SH3RF3: variants seen among roughly 807,000 people sequenced by gnomAD.
The protein encoded by SH3RF3 is E3 ubiquitin-protein ligase SH3RF3.
SH3RF3 carries 29 observed loss-of-function variants against 66.3 expected under a neutral mutation model. The observed-to-expected ratio is 0.44, with a 90% CI of 0.33 to 0.60. The LOEUF is 0.60. Among genes scored for constraint, SH3RF3 ranks in the 20% least tolerant of loss-of-function variants. The probability of loss-of-function intolerance (pLI) is 0.04; values close to 1 mark genes in which losing one functional copy is unlikely to be tolerated. For synonymous variants in SH3RF3, 583 were observed against 532.0 expected (o/e 1.10, Z -1.32); for missense variants, 1,194 against 1,190.9 (o/e 1.00, Z -0.04).
rs183240751 is a variant in SH3RF3, at chr2:109,198,158, G to A, written c.573+68045G>A. On this transcript the variant is annotated intron_variant, in intron 1 of 9. Transcript: ENST00000309415. ...AGAACACTTAGAAGTCCTGCCCAGTGCAGGGATGGCCACAGCAGGGACCTT... is the reference window on the plus strand; with the variant it reads ...AGAACACTTAGAAGTCCTGCCCAGTACAGGGATGGCCACAGCAGGGACCTT... Among the ~76,000 whole-genome samples the A allele has an allele frequency of 1.6e-3, 246 of 152,272 alleles. 2 individuals are homozygous for A. Among genetic ancestry groups the A allele is most frequent in the African/African-American group, 5.6e-3 (234 of 41,548 alleles).
chr2:109,179,042 T>G (rs1411860222), intron 1 of SH3RF3, among the ~76,000 whole-genome samples: 2 of 151,904 alleles, frequency 1.3e-5, no homozygotes, highest in Non-Finnish European at 2.9e-5. Context: ...TGTGTATTTT[T>G]AAACCAGAAT....
intron 8 of SH3RF3, among the ~76,000 whole-genome samples, chr2:109,486,924 C>T (rs1186549209): frequency 2.0e-5 from 3 of 152,190 alleles, no homozygotes; most frequent in Non-Finnish European, 4.4e-5. Context: ...CTAACAGATC[C>T]GGCTGTTTGG....
intron 2 of SH3RF3, among the ~76,000 whole-genome samples, chr2:109,369,835 C>T (rs1313436955): frequency 6.6e-6 from 1 of 152,222 alleles, no homozygotes. Flanking sequence ...ATTTCTTAGA[C>T]CCCACCAGCC....
intron 8 of SH3RF3, among the ~76,000 whole-genome samples, chr2:109,488,122 C>A (rs141548244): frequency 6.6e-6 from 1 of 152,164 alleles, no homozygotes; most frequent in Non-Finnish European, 1.5e-5. Context: ...TGGGCTCCGC[C>A]GGGACACCTG....
chr2:109,216,820 T>C (rs1305516588), intron 1 of SH3RF3, among the ~76,000 whole-genome samples: 3 of 152,256 alleles, frequency 2.0e-5, no homozygotes, highest in African/African-American at 4.8e-5. Context: ...TTTAGCCATT[T>C]GTAAGCAAAC....
chr2:109,499,995 T>C (rs983879956), intron 9 of SH3RF3, among the ~76,000 whole-genome samples: 11 of 152,104 alleles, frequency 7.2e-5, no homozygotes, highest in African/African-American at 1.9e-4. Flanking sequence ...AAGTGAAAAG[T>C]TACAGATGGT....
intron 8 of SH3RF3, among the ~76,000 whole-genome samples, chr2:109,476,353 C>G (rs888296071): frequency 7.2e-5 from 11 of 152,194 alleles, no homozygotes; most frequent in African/African-American, 2.7e-4. Context: ...CTGTGCCTAA[C>G]CCCAAGGGGA....
rs574464897 is a variant in SH3RF3, at chr2:109,209,577, T to G, written c.573+79464T>G. 9.2e-5 allele frequency among the ~76,000 whole-genome samples: 14 copies of G among 152,254 alleles called. No individual in the cohort carries two copies. In the South Asian group the frequency reaches 2.7e-3, roughly 29 times the overall value. On this transcript the variant is annotated intron_variant, in intron 1 of 9. Transcript: ENST00000309415. ...TTCCTAGCTCTCATGGGGAAGATTT[T>G]CCTTCCTTTTGAGTTTCCTATCCAC...
chr2:109,335,742 A>G (rs1347611933), intron 1 of SH3RF3, among the ~76,000 whole-genome samples: 3 of 152,234 alleles, frequency 2.0e-5, no homozygotes, highest in Non-Finnish European at 4.4e-5. Flanking sequence ...GCACCCCACA[A>G]GTAACGGGCA....
intron 2 of SH3RF3, among the ~76,000 whole-genome samples, chr2:109,370,221 GTCTCTGTCTCTC>G (rs1367340353): frequency 1.3e-5 from 2 of 148,708 alleles, no homozygotes; most frequent in African/African-American, 5.1e-5. Context: ...CTCTGTCTCT[GTCTCTGTCTCTC>G]TCTCTCTTTT....
intron 5 of SH3RF3, among the ~76,000 whole-genome samples, chr2:109,428,511 G>T (rs1358102959): frequency 3.3e-5 from 5 of 152,174 alleles, no homozygotes; most frequent in African/African-American, 1.2e-4. Flanking sequence ...GGTGTGGTGA[G>T]CCCCTGGCCC....
At chr2:109,457,323 T>C (rs1678087166) in intron 8 of SH3RF3, among the ~76,000 whole-genome samples, 1 of 152,260 alleles carries the variant, frequency 6.6e-6, no homozygotes, top group Non-Finnish European at 1.5e-5. Context: ...GAGGGGTTAA[T>C]TTTGTTATAT....
chr2:109,332,181 G>A (rs4676079), intron 1 of SH3RF3, among the ~76,000 whole-genome samples: 56,094 of 152,048 alleles, frequency 0.37, 11,922 homozygotes, highest in Non-Finnish European at 0.48. Flanking sequence ...TCTGCGGCCC[G>A]GAGCCCTCTG....
At chr2:109,343,744 CT>C (rs35606755) in intron 1 of SH3RF3, among the ~76,000 whole-genome samples, 114 of 143,712 alleles carry the variant, frequency 7.9e-4, no homozygotes, top group Admixed American at 1.2e-3. Context: ...CCCTGGTTTC[CT>C]TTTTTTTTTT....
At chr2:109,473,485 T>C (rs963294983) in intron 8 of SH3RF3, among the ~76,000 whole-genome samples, 1 of 152,028 alleles carries the variant, frequency 6.6e-6, no homozygotes, top group African/African-American at 2.4e-5. Context: ...ATAGCAGATA[T>C]AGGTGATAAA....
chr2:109,358,598 T>G (rs1682998058), intron 2 of SH3RF3, among the ~76,000 whole-genome samples: 1 of 152,250 alleles, frequency 6.6e-6, no homozygotes, highest in Non-Finnish European at 1.5e-5. Context: ...AGTGTCTTCT[T>G]TGGTGAAGGT....
At chr2:109,367,935 C>T (rs1683182107) in intron 2 of SH3RF3, among the ~76,000 whole-genome samples, 1 of 152,222 alleles carries the variant, frequency 6.6e-6, no homozygotes, top group Non-Finnish European at 1.5e-5. Flanking sequence ...AGTGCCTGTT[C>T]CATGCATACT....
intron 1 of SH3RF3, among the ~76,000 whole-genome samples, chr2:109,283,005 CTTGGCATGGG>C (rs1680933568): frequency 6.6e-6 from 1 of 152,188 alleles, no homozygotes; most frequent in African/African-American, 2.4e-5. Context: ...GGGGTGACTG[CTTGGCATGGG>C]TTGGCAAGGA....
intron 8 of SH3RF3, among the ~76,000 whole-genome samples, chr2:109,458,056 G>T (rs1251637591): frequency 3.3e-5 from 5 of 152,202 alleles, no homozygotes; most frequent in Non-Finnish European, 7.3e-5. Flanking sequence ...GCCATGTGGT[G>T]CAGGAGCCGG....
Sources: gnomAD v4.1 joint callset for allele counts (sites outside exome capture counted in the v4.1 genomes callset) on GRCh38, gnomAD v4.1.1 for gene constraint, MANE v1.5 for transcripts, NCBI Gene and HGNC (gene_info 2026-07-23, HGNC 2026-07-21) for gene names.